ANO4: variants seen among roughly 807,000 people sequenced by gnomAD.
The protein encoded by ANO4 is anoctamin-4.
ANO4 carries 69 observed loss-of-function variants against 141.9 expected under a neutral mutation model. That is an observed-to-expected ratio of 0.49 (90% CI 0.40 to 0.59). The LOEUF (loss-of-function observed/expected upper bound fraction) is 0.59, where lower values mean the gene tolerates loss of function less well. Ranked by LOEUF, ANO4 falls within the 20% of genes least tolerant of loss-of-function variation. ANO4 has a pLI of 0.00. For synonymous variants in ANO4, 350 were observed against 394.3 expected (o/e 0.89, Z 1.33); for missense variants, 894 against 1,162.2 (o/e 0.77, Z 3.36).
chr12:101,042,601 CA>C, intron 12 of ANO4, 133 bp downstream of exon 12: 1 of 1,279,848 alleles, frequency 7.8e-7, no homozygotes, highest in Non-Finnish European at 1.1e-6. Flanking sequence ...TGGAAAAACT[CA>C]AAGTTTCAGT....
intron 1 of ANO4, among the ~76,000 whole-genome samples, chr12:100,796,248 G>A (rs1302129332): frequency 3.9e-5 from 6 of 152,096 alleles, no homozygotes; most frequent in Admixed American, 2.6e-4. Context: ...GATTCATAAG[G>A]TACTGAACTA....
Position 100,820,162 on chromosome 12 carries a change from T to C in ANO4, c.-141+25135T>C, listed in dbSNP as rs1290828512. Among the ~76,000 whole-genome samples, 4 of 152,018 alleles carry C rather than the reference T, an allele frequency of 2.6e-5. No homozygotes were observed. In the East Asian group the frequency reaches 7.8e-4, roughly 30 times the overall value. ...TGTGTGGCTCTTTTCATCTAACATT[T>C]CTAGATGTTTAGAGCAGAAGGGGGG... On this transcript the variant is annotated intron_variant, in intron 1 of 27. Coordinates refer to ENST00000392977, the MANE Select transcript of ANO4 (RefSeq NM_001286615.2).
chr12:101,109,122 G>A (rs778856966), intron 22 of ANO4, among the ~76,000 whole-genome samples: 7 of 152,070 alleles, frequency 4.6e-5, no homozygotes, highest in Non-Finnish European at 7.3e-5. Flanking sequence ...GGTTTGTCTC[G>A]TGCGTTTGCA....
intron 1 of ANO4, among the ~76,000 whole-genome samples, chr12:100,890,555 G>C (rs1012968443): frequency 2.6e-5 from 4 of 152,172 alleles, no homozygotes; most frequent in African/African-American, 9.6e-5. Context: ...ATCTGATTGC[G>C]AATGGTGAGA....
At chr12:100,939,284 C>T (rs764890324) in intron 3 of ANO4, 31 bp from the exon 4 acceptor site, 5 of 1,574,242 alleles carry the variant, frequency 3.2e-6, no homozygotes, top group South Asian at 1.2e-5. Flanking sequence ...AGATTTTTAC[C>T]CACCTTATAA....
At position 100,931,300 on chromosome 12, in the gene ANO4, T is replaced by C. The variant is rs1209877363; in HGVS notation, c.161-8015T>C. On this transcript the variant is annotated intron_variant, in intron 3 of 27. Coordinates refer to ENST00000392977, the MANE Select transcript of ANO4 (RefSeq NM_001286615.2). ...GATCTATTTGTTAAATTTTAGAAAG[T>C]TGTCAGAGCTGTCAGACTACAGATG... 2.0e-5 allele frequency among the ~76,000 whole-genome samples: 3 copies of C among 152,176 alleles called. No homozygotes were observed. In the East Asian group the frequency reaches 5.8e-4, roughly 29 times the overall value.
At chr12:100,929,691 T>A (rs1286289051) in intron 3 of ANO4, among the ~76,000 whole-genome samples, 1 of 152,154 alleles carries the variant, frequency 6.6e-6, no homozygotes, top group Non-Finnish European at 1.5e-5. Flanking sequence ...ACCTCCAAAC[T>A]GTCCTTCATA....
At chr12:101,087,793 C>G (rs756068674) in intron 17 of ANO4, among the ~76,000 whole-genome samples, 5 of 152,096 alleles carry the variant, frequency 3.3e-5, no homozygotes, top group Admixed American at 6.6e-5. Flanking sequence ...GACTAAAAGT[C>G]GTGGCATTCT....
intron 13 of ANO4, among the ~76,000 whole-genome samples, chr12:101,047,778 T>C (rs2047690053): frequency 6.6e-6 from 1 of 152,214 alleles, no homozygotes; most frequent in South Asian, 2.1e-4. Flanking sequence ...TTATGTGCAG[T>C]AGGTAAATAT....
At chr12:100,833,883 A>G (rs765975761) in intron 1 of ANO4, among the ~76,000 whole-genome samples, 7 of 152,068 alleles carry the variant, frequency 4.6e-5, no homozygotes, top group Non-Finnish European at 4.4e-5. Flanking sequence ...AAATAAGGAA[A>G]CGTATTTGTC....
At chr12:100,744,976 C>T (rs1045247307) in intron 3 of ANO4, among the ~76,000 whole-genome samples, 2 of 151,932 alleles carry the variant, frequency 1.3e-5, no homozygotes, top group Non-Finnish European at 2.9e-5. Flanking sequence ...TGCTCTTTCT[C>T]TCTCCCTCCC....
At chr12:101,059,382 A>G (rs7958888) in intron 14 of ANO4, among the ~76,000 whole-genome samples, 64,897 of 152,008 alleles carry the variant, frequency 0.43, 14,323 homozygotes, top group African/African-American at 0.55. Flanking sequence ...TCATAAAATG[A>G]GTTAGGGAGA....
chr12:101,050,404 G>A (rs1475724521), intron 14 of ANO4, among the ~76,000 whole-genome samples: 1 of 152,094 alleles, frequency 6.6e-6, no homozygotes, highest in African/African-American at 2.4e-5. Flanking sequence ...TACCCTTAAT[G>A]CTTCTCTGTC....
chr12:101,082,663 C>G (rs559918320), intron 15 of ANO4, among the ~76,000 whole-genome samples: 8 of 152,358 alleles, frequency 5.3e-5, no homozygotes, highest in East Asian at 1.9e-4. Flanking sequence ...TGGGCTAATT[C>G]AGTGGCAGGA....
chr12:100,731,011 T>G (rs1320772690), intron 1 of ANO4, among the ~76,000 whole-genome samples: 5 of 152,182 alleles, frequency 3.3e-5, no homozygotes, highest in Non-Finnish European at 7.4e-5. Context: ...ATTTCCTGGC[T>G]TCTCTGTCCA....
At chr12:100,765,034 G>C (rs1017573580) in intron 3 of ANO4, among the ~76,000 whole-genome samples, 2 of 152,132 alleles carry the variant, frequency 1.3e-5, no homozygotes, top group South Asian at 2.1e-4. Context: ...AAGAGGGATT[G>C]GTTTTAATCC....
intron 14 of ANO4, among the ~76,000 whole-genome samples, chr12:101,070,141 T>G (rs1331920100): frequency 1.3e-5 from 2 of 152,270 alleles, no homozygotes; most frequent in East Asian, 3.9e-4. Flanking sequence ...ACCAATTATG[T>G]GCTTCACAGA....
chr12:100,820,485 A>G (rs2135734760), intron 1 of ANO4, among the ~76,000 whole-genome samples: 1 of 152,158 alleles, frequency 6.6e-6, no homozygotes, highest in South Asian at 2.1e-4. Context: ...TTGTGGCATT[A>G]CTGTCTCAAG....
At chr12:100,946,000 G>A (rs1318168610) in intron 5 of ANO4, among the ~76,000 whole-genome samples, 3 of 152,174 alleles carry the variant, frequency 2.0e-5, no homozygotes, top group African/African-American at 7.2e-5. Context: ...AGAGAAAAAA[G>A]TAAAGCAGGA....
Sources: gnomAD v4.1 joint callset for allele counts (sites outside exome capture counted in the v4.1 genomes callset) on GRCh38, gnomAD v4.1.1 for gene constraint, MANE v1.5 for transcripts, NCBI Gene and HGNC (gene_info 2026-07-23, HGNC 2026-07-21) for gene names.